PDE8B: variants seen among roughly 807,000 people sequenced by gnomAD.
PDE8B encodes phosphodiesterase 8B.
A neutral mutation model predicts 101.3 loss-of-function variants in PDE8B; 26 were observed. The ratio of observed to expected loss-of-function variants is 0.26; its 90% CI spans 0.19 to 0.36. PDE8B has a LOEUF of 0.36. PDE8B is among the 10% of genes least tolerant of loss of function. The pLI, the probability that PDE8B is intolerant of heterozygous loss-of-function variation, is 1.00. For missense variants in PDE8B, 810 were observed against 1,163.1 expected, an observed-to-expected ratio of 0.70 and a Z score of 4.42; for synonymous variants, 424 against 429.3, an observed-to-expected ratio of 0.99 and a Z score of 0.15.
chr5:77,285,747 G>T (rs986471630), intron 1 of PDE8B, among the ~76,000 whole-genome samples: 1 of 141,012 alleles, frequency 7.1e-6, no homozygotes, highest in African/African-American at 2.8e-5. Flanking sequence ...TTTTGATACT[G>T]CCCACAGATC....
chr5:77,122,909 A>G, the PDE8B span, among the ~76,000 whole-genome samples: 1 of 152,194 alleles, frequency 6.6e-6, no homozygotes, highest in East Asian at 1.9e-4. Context: ...AAGGGGCAAA[A>G]TACACCCTGG....
intron 1 of PDE8B, among the ~76,000 whole-genome samples, chr5:77,235,995 A>G (rs1394079345): frequency 7.9e-5 from 12 of 152,190 alleles, no homozygotes; most frequent in Admixed American, 7.9e-4. Context: ...ACCACCAGGA[A>G]GTGGCAAAGT....
Position 77,240,223 on chromosome 5 carries a change from G to C in PDE8B, c.339+28959G>C, listed in dbSNP as rs552847253. ...GGCTGGAGTGCGGTGGCGCGATCCC[G>C]GCTCACTGCAAGCTCCGCCTCCCGG... On this transcript the variant is annotated intron_variant, in intron 1 of 21. Coordinates refer to ENST00000264917, the MANE Select transcript of PDE8B (RefSeq NM_003719.5). Among the ~76,000 whole-genome samples, 139 of 152,150 alleles carry C rather than the reference G, an allele frequency of 9.1e-4. 1 individual carries two copies. Among genetic ancestry groups the C allele is most frequent in the Middle Eastern group, 6.8e-3 (2 of 294 alleles).
chr5:77,290,218 C>T (rs758147157), intron 1 of PDE8B: 29 of 1,542,418 alleles, frequency 1.9e-5, no homozygotes, highest in Non-Finnish European at 2.5e-5. Flanking sequence ...TGTGTGCACG[C>T]TGCAAAGACC....
At chr5:77,185,119 A>G in the PDE8B span, among the ~76,000 whole-genome samples, 1 of 152,228 alleles carries the variant, frequency 6.6e-6, no homozygotes, top group Non-Finnish European at 1.5e-5. Context: ...TTTTGGTAAG[A>G]ACTAGTCACA....
intron 10 of PDE8B, among the ~76,000 whole-genome samples, chr5:77,356,153 C>T (rs868867774): frequency 2.0e-5 from 3 of 152,208 alleles, no homozygotes; most frequent in African/African-American, 7.2e-5. Context: ...CAGAAGTACC[C>T]CTTCTCCCCT....
At chr5:77,243,952 C>T (rs574288936) in intron 1 of PDE8B, among the ~76,000 whole-genome samples, 3 of 151,960 alleles carry the variant, frequency 2.0e-5, no homozygotes, top group South Asian at 4.2e-4. Flanking sequence ...GCATTTCCAC[C>T]GCCACCGCTG....
chr5:77,358,361 A>G, intron 10 of PDE8B: 1 of 812,738 alleles, frequency 1.2e-6, no homozygotes, highest in Non-Finnish European at 1.5e-6. Flanking sequence ...AAATCTTCCA[A>G]ACCTTCCAGC....
Position 77,378,050 on chromosome 5 carries a change from C to A in PDE8B, c.1168-22198C>A, listed in dbSNP as rs868403507. 1.4e-3 allele frequency among the ~76,000 whole-genome samples: 159 copies of A among 110,266 alleles called. 1 individual carries two copies. The highest frequency in any genetic ancestry group is 1.9e-3 in the Admixed American group (23 of 12,240). 72.3% of individuals were successfully genotyped at this position (110,266 alleles called of 152,430 possible). The stretch of plus-strand genomic sequence containing the variant: ...CACACACACACACACACACACACAC[C>A]CCCTGTTGGTTCTTTGTCTAGAGAA... On this transcript the variant is annotated intron_variant, in intron 10 of 21. Transcript: ENST00000264917.
chr5:77,311,171 T>C lies in PDE8B; in HGVS notation c.340-823T>C, dbSNP rs185920120. ...TTAGAGAAAAACAAAATTGGATCCATGGAGGTGAGGTCAAGACCGTCAACC... is the reference window on the plus strand; with the variant it reads ...TTAGAGAAAAACAAAATTGGATCCACGGAGGTGAGGTCAAGACCGTCAACC... On this transcript the variant is annotated intron_variant, in intron 1 of 21. Transcript: ENST00000264917. Among the ~76,000 whole-genome samples the C allele has an allele frequency of 4.9e-3, 746 of 152,282 alleles. 10 individuals carry two copies. The highest frequency in any genetic ancestry group is 5.7e-3 in the Non-Finnish European group (388 of 68,026).
chr5:77,112,014 A>G, the PDE8B span: 1 of 152,176 alleles, frequency 6.6e-6, no homozygotes. Context: ...ATTAAATTAT[A>G]TGTTGTTTAA....
the PDE8B span, chr5:77,088,293 A>G: frequency 6.6e-6 from 1 of 152,308 alleles, no homozygotes; most frequent in Non-Finnish European, 1.5e-5. Context: ...CCGGAGCCCA[A>G]ATGGGCGTGT....
chr5:77,385,313 G>A (rs1489179154), intron 10 of PDE8B, among the ~76,000 whole-genome samples: 3 of 152,046 alleles, frequency 2.0e-5, no homozygotes, highest in Admixed American at 6.6e-5. Context: ...TGGGATCCAT[G>A]GTGATACCCC....
intron 10 of PDE8B, among the ~76,000 whole-genome samples, chr5:77,391,943 G>A (rs1287197007): frequency 1.3e-5 from 2 of 152,120 alleles, no homozygotes; most frequent in Non-Finnish European, 1.5e-5. Context: ...TATTCATTTG[G>A]TATCATATAA....
intron 1 of PDE8B, among the ~76,000 whole-genome samples, chr5:77,287,292 C>T (rs554299437): frequency 1.0e-3 from 152 of 151,978 alleles, no homozygotes; most frequent in African/African-American, 2.8e-3. Flanking sequence ...CAGGTTGCCA[C>T]GTATTTTATT....
chr5:77,111,051 A>G, the PDE8B span, among the ~76,000 whole-genome samples: 2 of 152,222 alleles, frequency 1.3e-5, no homozygotes, highest in African/African-American at 2.4e-5. Context: ...ATTGTACTTA[A>G]TGCTACGAAA....
At chr5:77,410,108 G>A (rs985859278) in intron 14 of PDE8B, among the ~76,000 whole-genome samples, 4 of 152,388 alleles carry the variant, frequency 2.6e-5, no homozygotes, top group African/African-American at 9.6e-5. Flanking sequence ...GCTCAGCCCG[G>A]GAGGGTTCTT....
the PDE8B span, chr5:77,112,754 A>G: frequency 3.9e-5 from 6 of 152,224 alleles, no homozygotes; most frequent in African/African-American, 1.4e-4. Context: ...ACATGATTGT[A>G]TATTTAGAAA....
intron 1 of PDE8B, among the ~76,000 whole-genome samples, chr5:77,218,343 GTTA>G (rs1561362704): frequency 6.6e-6 from 1 of 152,166 alleles, no homozygotes. Flanking sequence ...TGAGCTACAC[GTTA>G]TTATTTTCAC....
Sources: gnomAD v4.1 joint callset for allele counts (sites outside exome capture counted in the v4.1 genomes callset) on GRCh38, gnomAD v4.1.1 for gene constraint, MANE v1.5 for transcripts, NCBI Gene and HGNC (gene_info 2026-07-23, HGNC 2026-07-21) for gene names.